Variants in TRPM3 observed in about 807,000 individuals in gnomAD.
The protein encoded by TRPM3 is transient receptor potential cation channel subfamily M member 3.
A neutral mutation model predicts 181.2 loss-of-function variants in TRPM3; 77 were observed. That is an observed-to-expected ratio of 0.42 (90% CI 0.35 to 0.51). The LOEUF (loss-of-function observed/expected upper bound fraction) is 0.51, where lower values mean the gene tolerates loss of function less well. TRPM3 is among the 20% of genes least tolerant of loss of function. TRPM3 has a pLI of 0.01. For missense variants in TRPM3, 1,759 were observed against 2,196.7 expected (o/e 0.80, Z 3.98); for synonymous variants, 745 against 796.4 (o/e 0.94, Z 1.09).
At chr9:70,928,147 C>G (rs981009386) in intron 1 of TRPM3, among the ~76,000 whole-genome samples, 39 of 152,236 alleles carry the variant, frequency 2.6e-4, no homozygotes, top group African/African-American at 9.4e-4. Context: ...GGGCCAAATG[C>G]CACTTCCGTG....
chr9:71,259,966 C>T (rs530712681), intron 1 of TRPM3, among the ~76,000 whole-genome samples: 1 of 152,226 alleles, frequency 6.6e-6, no homozygotes, highest in African/African-American at 2.4e-5. Flanking sequence ...ATGCCTATCT[C>T]CTAAATGGTA....
intron 1 of TRPM3, among the ~76,000 whole-genome samples, chr9:71,100,656 C>T (rs2068186229): frequency 6.6e-6 from 1 of 152,096 alleles, no homozygotes; most frequent in African/African-American, 2.4e-5. Context: ...AGAGTCTCCA[C>T]TTCCCTTCCT....
At chr9:71,017,763 T>A (rs2097796218) in intron 1 of TRPM3, among the ~76,000 whole-genome samples, 1 of 151,670 alleles carries the variant, frequency 6.6e-6, no homozygotes, top group Non-Finnish European at 1.5e-5. Flanking sequence ...ATAACACACC[T>A]TTCTCGAAAC....
intron 22 of TRPM3, among the ~76,000 whole-genome samples, chr9:70,580,129 A>C (rs896161788): frequency 6.6e-6 from 1 of 152,122 alleles, no homozygotes; most frequent in African/African-American, 2.4e-5. Context: ...GTTTTAGAAG[A>C]TATTTTGGAA....
intron 7 of TRPM3, among the ~76,000 whole-genome samples, chr9:70,781,504 G>GTAA (rs1478949741): frequency 6.6e-6 from 1 of 151,792 alleles, no homozygotes; most frequent in Non-Finnish European, 1.5e-5. Context: ...AATACCAATA[G>GTAA]TAATAATAAT....
At chr9:70,898,126 T>G (rs2096309631) in intron 1 of TRPM3, among the ~76,000 whole-genome samples, 1 of 151,836 alleles carries the variant, frequency 6.6e-6, no homozygotes, top group Non-Finnish European at 1.5e-5. Context: ...ATTGTTTTTT[T>G]TTTTTGGTGG....
intron 1 of TRPM3, among the ~76,000 whole-genome samples, chr9:70,895,442 A>C (rs1354702432): frequency 6.6e-6 from 1 of 152,164 alleles, no homozygotes; most frequent in Non-Finnish European, 1.5e-5. Context: ...TGAATCCCTA[A>C]TTTTTCTTTT....
intron 1 of TRPM3, among the ~76,000 whole-genome samples, chr9:71,331,872 A>AGGAGGAGGAAGAGGAGG (rs1565470637): frequency 1.4e-3 from 1 of 716 alleles, no homozygotes; most frequent in Non-Finnish European, 2.5e-3. Flanking sequence ...GAGGAGGAGG[A>AGGAGGAGGAAGAGGAGG]AGAAAGAGGA....
intron 1 of TRPM3, among the ~76,000 whole-genome samples, chr9:71,247,605 A>AAGG (rs1232847117): frequency 2.6e-5 from 4 of 151,346 alleles, no homozygotes; most frequent in Admixed American, 2.6e-4. Context: ...AATAGAAGGG[A>AAGG]AGGAGGAGGA....
At chr9:70,988,685 C>T (rs943801533) in intron 1 of TRPM3, among the ~76,000 whole-genome samples, 3 of 152,072 alleles carry the variant, frequency 2.0e-5, no homozygotes, top group African/African-American at 7.2e-5. Flanking sequence ...TCTTGTGGGC[C>T]TAATCTAATC....
At chr9:70,991,553 C>CTGTT (rs2097485159) in intron 1 of TRPM3, among the ~76,000 whole-genome samples, 1 of 52,114 alleles carries the variant, frequency 1.9e-5, no homozygotes. Flanking sequence ...TACTATGTGT[C>CTGTT]TGTTTTTTTT....
chr9:71,123,430 C>A (rs547311451), upstream of TRPM3, among the ~76,000 whole-genome samples: 2 of 152,082 alleles, frequency 1.3e-5, no homozygotes, highest in African/African-American at 4.8e-5. Context: ...TTAAAATAAA[C>A]CCTTATGCCT....
chr9:71,373,991 C>A (rs900758841), intron 1 of TRPM3, among the ~76,000 whole-genome samples: 11 of 152,294 alleles, frequency 7.2e-5, no homozygotes, highest in African/African-American at 2.6e-4. Flanking sequence ...CAACGTGATT[C>A]ATCACATAAA....
At chr9:71,446,601 G>A (rs749111888) in intron 1 of TRPM3, 16 of 1,522,946 alleles carry the variant, frequency 1.1e-5, no homozygotes, top group Non-Finnish European at 1.2e-5. Context: ...CTCAAGTCGC[G>A]TGCGAAGGGA....
At chr9:70,553,404 A>G (rs2046906817) in intron 22 of TRPM3, 94 bp from the exon 23 acceptor site, 4 of 1,429,210 alleles carry the variant, frequency 2.8e-6, no homozygotes, top group Non-Finnish European at 3.8e-6. Flanking sequence ...TTTAGATGGA[A>G]GAAATATATA....
chr9:70,581,750 C>T (rs17458750), intron 22 of TRPM3, among the ~76,000 whole-genome samples: 65,591 of 152,032 alleles, frequency 0.43, 15,687 homozygotes, highest in East Asian at 0.54. Context: ...CAACCACCGC[C>T]GGCATGGTGA....
chr9:71,022,359 A>AAATAGAGTAATAGG, intron 1 of TRPM3, among the ~76,000 whole-genome samples: 1 of 152,158 alleles, frequency 6.6e-6, no homozygotes, highest in Non-Finnish European at 1.5e-5. Context: ...TAAATACATG[A>AAATAGAGTAATAGG]ACTTCAACCT....
intron 1 of TRPM3, among the ~76,000 whole-genome samples, chr9:71,195,287 A>G (rs1005802833): frequency 3.9e-5 from 6 of 152,130 alleles, no homozygotes; most frequent in Non-Finnish European, 5.9e-5. Context: ...TCTAGCATCT[A>G]GAAGGAACTT....
intron 19 of TRPM3, among the ~76,000 whole-genome samples, chr9:70,604,435 CAG>C (rs1491346306): frequency 1.3e-5 from 2 of 152,178 alleles, no homozygotes; most frequent in Admixed American, 6.5e-5. Context: ...TTAGGGGCCT[CAG>C]GGGCTGTGAG....
Sources: allele counts gnomAD v4.1 joint callset (sites outside exome capture counted in the v4.1 genomes callset), GRCh38; gene constraint gnomAD v4.1.1; transcripts MANE v1.5; gene names NCBI Gene and HGNC (gene_info 2026-07-23, HGNC 2026-07-21).